The following WWOX variants were observed in gnomAD, a reference collection of about 807,000 sequenced individuals.
The protein encoded by WWOX is WW domain-containing oxidoreductase.
A neutral mutation model predicts 46.2 loss-of-function variants in WWOX; 69 were observed. The ratio of observed to expected loss-of-function variants is 1.49; its 90% CI spans 1.23 to 1.82. The LOEUF (loss-of-function observed/expected upper bound fraction) is 1.82. Among genes scored for constraint, WWOX ranks in the 40% most tolerant of loss-of-function variants. The pLI is 0.00. For synonymous variants in WWOX, 359 were observed against 202.6 expected (o/e 1.77, Z -6.56); for missense variants, 919 against 542.6 (o/e 1.69, Z -6.89).
intron 5 of WWOX, among the ~76,000 whole-genome samples, chr16:78,312,610 G>A (rs911342188): frequency 6.6e-6 from 1 of 152,102 alleles, no homozygotes; most frequent in African/African-American, 2.4e-5. Context: ...CCTGACCTGA[G>A]GTGATCCACC....
At chr16:78,387,496 C>G (rs1157887795) in intron 6 of WWOX, among the ~76,000 whole-genome samples, 1 of 151,732 alleles carries the variant, frequency 6.6e-6, no homozygotes, top group African/African-American at 2.4e-5. Flanking sequence ...TGGAGAAAGC[C>G]TTAGTTAGGG....
chr16:78,874,072 C>T (rs1318653146), intron 8 of WWOX, among the ~76,000 whole-genome samples: 1 of 150,946 alleles, frequency 6.6e-6, no homozygotes, highest in Non-Finnish European at 1.5e-5. Flanking sequence ...CCAGCCTGAC[C>T]AACCCTGTCT....
In WWOX at chr16:78,269,838, C is replaced by T. The variant is rs989130926; in HGVS notation, c.516+105549C>T. ...TTGAAAACACACACACACAGTTTTC[C>T]AGTGGCTAATTTGAAAAATGTCACC... On this transcript the variant is annotated intron_variant, in intron 5 of 8. Coordinates refer to ENST00000566780, the MANE Select transcript of WWOX (RefSeq NM_016373.4). Among the ~76,000 whole-genome samples, 3 of 151,692 alleles carry T rather than the reference C, an allele frequency of 2.0e-5. No individual in the cohort carries two copies. The South Asian group carries it at 6.3e-4, about 32-fold the overall frequency.
chr16:78,594,601 T>A (rs970295502), intron 8 of WWOX, among the ~76,000 whole-genome samples: 6 of 152,042 alleles, frequency 3.9e-5, no homozygotes, highest in African/African-American at 1.2e-4. Context: ...TTTCACCTCC[T>A]TTCCTGGTTG....
chr16:78,501,239 G>T (rs1402489928), intron 8 of WWOX, among the ~76,000 whole-genome samples: 3 of 97,170 alleles, frequency 3.1e-5, no homozygotes, highest in South Asian at 3.4e-4. Context: ...CCTGCATGTT[G>T]TAAAAACACA....
intron 8 of WWOX, among the ~76,000 whole-genome samples, chr16:79,033,096 G>T (rs529238659): frequency 6.7e-6 from 1 of 149,778 alleles, no homozygotes; most frequent in Non-Finnish European, 1.5e-5. Flanking sequence ...CAAAGGACAT[G>T]ATCTCATTAT....
intron 8 of WWOX, among the ~76,000 whole-genome samples, chr16:79,047,899 C>T (rs1482520617): frequency 6.6e-6 from 1 of 151,912 alleles, no homozygotes; most frequent in East Asian, 1.9e-4. Context: ...ACAGACTCTG[C>T]ATTTTGAACC....
chr16:78,938,709 C>G (rs954382921), intron 8 of WWOX, among the ~76,000 whole-genome samples: 3 of 152,066 alleles, frequency 2.0e-5, no homozygotes, highest in Non-Finnish European at 4.4e-5. Flanking sequence ...TGTCTTTGTT[C>G]TAGTGCAGCC....
chr16:78,923,043 G>A (rs867119971), intron 8 of WWOX, among the ~76,000 whole-genome samples: 9 of 147,784 alleles, frequency 6.1e-5, no homozygotes, highest in Middle Eastern at 7.0e-3. Flanking sequence ...GTGCAATGGC[G>A]CAATGTTGGT....
rs182454948 is a variant in WWOX at position 78,215,605 on chromosome 16, C to A, written c.516+51316C>A. 5.1e-3 allele frequency among the ~76,000 whole-genome samples: 772 copies of A among 152,218 alleles called. 6 individuals carry two copies. Among genetic ancestry groups the A allele is most frequent in the Non-Finnish European group, 6.0e-3 (409 of 68,010 alleles). The stretch of plus-strand genomic sequence containing the variant: ...CTTTCCTTTATACATTACCCAGTCT[C>A]GGGTAGTATCTTCATAGCAGTGCAA... On this transcript the variant is annotated intron_variant, in intron 5 of 8. Coordinates refer to ENST00000566780, the MANE Select transcript of WWOX (RefSeq NM_016373.4).
At chr16:78,317,122 C>T (rs1291958883) in intron 5 of WWOX, among the ~76,000 whole-genome samples, 2 of 152,168 alleles carry the variant, frequency 1.3e-5, no homozygotes, top group African/African-American at 2.4e-5. Context: ...AGGACCATCT[C>T]ACCCGTCCAA....
At chr16:78,417,724 T>C (rs756827012) in intron 6 of WWOX, among the ~76,000 whole-genome samples, 2 of 152,226 alleles carry the variant, frequency 1.3e-5, no homozygotes, top group South Asian at 4.1e-4. Flanking sequence ...CAGAGTCTAA[T>C]GAGTGTTACA....
intron 8 of WWOX, among the ~76,000 whole-genome samples, chr16:79,064,933 G>T (rs1051199159): frequency 1.3e-5 from 2 of 152,156 alleles, no homozygotes; most frequent in Non-Finnish European, 2.9e-5. Context: ...TGCAAATGGC[G>T]CCAGGAATCT....
At chr16:78,621,050 G>A (rs1251752425) in intron 8 of WWOX, among the ~76,000 whole-genome samples, 1 of 152,128 alleles carries the variant, frequency 6.6e-6, no homozygotes, top group African/African-American at 2.4e-5. Flanking sequence ...TAAAGCCTGT[G>A]GCAGCCTTTA....
intron 8 of WWOX, among the ~76,000 whole-genome samples, chr16:79,003,789 G>T (rs1256443496): frequency 6.6e-6 from 1 of 152,136 alleles, no homozygotes; most frequent in African/African-American, 2.4e-5. Flanking sequence ...AGTCTCAGAA[G>T]GCAGAGGGTG....
intron 8 of WWOX, among the ~76,000 whole-genome samples, chr16:79,210,896 G>C (rs1019757956): frequency 4.6e-5 from 7 of 152,138 alleles, no homozygotes; most frequent in African/African-American, 1.7e-4. Context: ...TTTGAAGTGG[G>C]CTGGGAGGAA....
At chr16:78,718,728 A>G (rs577177364) in intron 8 of WWOX, among the ~76,000 whole-genome samples, 32 of 152,136 alleles carry the variant, frequency 2.1e-4, no homozygotes, top group East Asian at 7.7e-4. Context: ...GAGAGTTCCA[A>G]TGTTTCTGAA....
chr16:78,643,340 TAATGA>T (rs2046765132), intron 8 of WWOX, among the ~76,000 whole-genome samples: 1 of 152,224 alleles, frequency 6.6e-6, no homozygotes, highest in South Asian at 2.1e-4. Context: ...GTTTTATTAG[TAATGA>T]AACTGAGGCT....
intron 5 of WWOX, among the ~76,000 whole-genome samples, chr16:78,182,628 T>C (rs2035565339): frequency 6.6e-6 from 1 of 152,054 alleles, no homozygotes; most frequent in Non-Finnish European, 1.5e-5. Context: ...GGTAGAGCAC[T>C]GAGCACCAGT....
Sources: gnomAD v4.1 joint callset for allele counts (sites outside exome capture counted in the v4.1 genomes callset) on GRCh38, gnomAD v4.1.1 for gene constraint, MANE v1.5 for transcripts, NCBI Gene and HGNC (gene_info 2026-07-23, HGNC 2026-07-21) for gene names.